PIP4K2B: variants seen among roughly 807,000 people sequenced by gnomAD.
The protein encoded by PIP4K2B is phosphatidylinositol-5-phosphate 4-kinase type 2 beta.
In PIP4K2B, 3 loss-of-function variants were observed where a neutral mutation model predicts 42.0. That is an observed-to-expected ratio of 0.07 (90% confidence interval 0.03 to 0.18). The LOEUF (loss-of-function observed/expected upper bound fraction) is 0.18. Among genes scored for constraint, PIP4K2B ranks in the 10% least tolerant of loss-of-function variants. The pLI, the probability that PIP4K2B is intolerant of heterozygous loss-of-function variation, is 1.00. For synonymous variants in PIP4K2B, 204 were observed against 210.1 expected (o/e 0.97, Z 0.25); for missense variants, 332 against 562.3 (o/e 0.59, Z 4.14).
chr17:38,787,046 GT>G, intron 1 of PIP4K2B, 126 bp from the exon 2 acceptor site: 3 of 726,324 alleles, frequency 4.1e-6, no homozygotes, highest in Non-Finnish European at 4.9e-6. Flanking sequence ...GTCTTTTTTT[GT>G]TTTTTTGAGA....
intron 1 of PIP4K2B, among the ~76,000 whole-genome samples, chr17:38,791,961 T>A (rs1306490866): frequency 6.6e-6 from 1 of 151,598 alleles, no homozygotes; most frequent in Non-Finnish European, 1.5e-5. Flanking sequence ...CGGAGCATGA[T>A]GGCGGGCACC....
intron 1 of PIP4K2B, among the ~76,000 whole-genome samples, chr17:38,790,639 AG>A (rs1910296429): frequency 6.6e-6 from 1 of 152,138 alleles, no homozygotes; most frequent in Non-Finnish European, 1.5e-5. Context: ...TTGTATTTTT[AG>A]TAAAGATGGG....
At position 38,780,614 on chromosome 17, in the gene PIP4K2B, G is replaced by A. The variant is rs375096985; in HGVS notation, c.355-10C>T. 20 of 1,604,974 alleles carry A rather than the reference G, an allele frequency of 1.2e-5. No individual in the cohort carries two copies. The highest frequency in any genetic ancestry group is 8.0e-5 in the African/African-American group (6 of 74,804). ...TGCGCGTCACTGAATTCTGATAATC[G>A]AGACAAAAGAAGGCTGGGCTTGGCA... On this transcript the variant is annotated splice_polypyrimidine_tract_variant and intron_variant, in intron 3 of 9. Transcript: ENST00000619039.
chr17:38,771,112 G>C lies in PIP4K2B; in HGVS notation c.968C>G (p.Pro323Arg), dbSNP rs1336030009. ...GAGGAGGTTGCCAGGGCTGTCCGGAGGTGTGCCATAGGAGCAGAGTAGGTT... is the reference window on the plus strand; with the variant it reads ...GAGGAGGTTGCCAGGGCTGTCCGGACGTGTGCCATAGGAGCAGAGTAGGTT... ...GGNLLCSYGTPPDSPGNLLSF... is the reference protein window; with the variant it reads ...GGNLLCSYGTRPDSPGNLLSF... The change falls in exon 8 of 10, where the codon CCT (proline) becomes CGT (arginine). Residue 323 changes from proline to arginine, a missense_variant. Pro to Arg is a moderately radical substitution (Grantham distance 103). Transcript: ENST00000619039. 6.2e-7 allele frequency: 1 copy of C among 1,614,110 alleles called. No homozygotes were observed. Among genetic ancestry groups the C allele is most frequent in the South Asian group, 1.1e-5 (1 of 91,068 alleles).
chr17:38,775,719 G>A (rs749172000), intron 7 of PIP4K2B, among the ~76,000 whole-genome samples: 2 of 151,964 alleles, frequency 1.3e-5, no homozygotes, highest in African/African-American at 2.4e-5. Context: ...TTAGCTGGGC[G>A]TGGCAGCACG....
Position 38,799,172 on chromosome 17 carries a change from T to C in PIP4K2B, c.159+94A>G. 3.0e-6 allele frequency: 4 copies of C among 1,327,882 alleles called. No individual in the cohort carries two copies. Among genetic ancestry groups the C allele is most frequent in the Non-Finnish European group, 4.0e-6 (4 of 1,011,002 alleles). The allele number at this position is 1,327,882 out of a possible 1,614,324, so 82.3% of individuals were successfully genotyped here. ...GTGGCTTGGCGAGGGGTGGCAGGCGTCACCGGCAGGGCCTGCGGGGCAAGG... is the reference window on the plus strand; with the variant it reads ...GTGGCTTGGCGAGGGGTGGCAGGCGCCACCGGCAGGGCCTGCGGGGCAAGG... On this transcript the variant is annotated intron_variant, in intron 1 of 9. Transcript: ENST00000619039. This position sits in a 1 kb window ranked among gnomAD's most constrained non-coding sequence, Gnocchi z 4.4.
chr17:38,790,674 G>C (rs571416747), intron 1 of PIP4K2B, among the ~76,000 whole-genome samples: 1 of 152,106 alleles, frequency 6.6e-6, no homozygotes, highest in Non-Finnish European at 1.5e-5. Context: ...GGTCAGGCTG[G>C]TCTCGAATTC....
rs1308225711 is a variant in PIP4K2B at position 38,767,694 on chromosome 17, C to T, written c.*1997G>A. 5 of 152,226 alleles carry T rather than the reference C, an allele frequency of 3.3e-5. No individual in the cohort carries two copies. The East Asian group carries it at 9.6e-4, about 29-fold the overall frequency. 9.4% of individuals were successfully genotyped at this position (152,226 alleles called of 1,614,324 possible). A position where few individuals can be genotyped will look rare whatever the true frequency, so the allele number is the denominator to read the frequency against. ...GGCCACGGAGGCTGCTGGAAGACAGCTTTCCAAGCTTCAGAGATGCTGCGC... is the reference window on the plus strand; with the variant it reads ...GGCCACGGAGGCTGCTGGAAGACAGTTTTCCAAGCTTCAGAGATGCTGCGC... On this transcript the variant is annotated 3_prime_UTR_variant, in exon 10 of 10. Coordinates refer to ENST00000619039, the MANE Select transcript of PIP4K2B (RefSeq NM_003559.5).
Position 38,769,303 on chromosome 17 carries a change from A to G in PIP4K2B, c.*388T>C, listed in dbSNP as rs1908878481. On this transcript the variant is annotated 3_prime_UTR_variant, in exon 10 of 10. Transcript: ENST00000619039. ...AGGGTGGGTAGGCTGATGAAATATGATTATAAATAGCAAACCTGGAGCAAT... is the reference window on the plus strand; with the variant it reads ...AGGGTGGGTAGGCTGATGAAATATGGTTATAAATAGCAAACCTGGAGCAAT... 1 of 207,060 alleles carries G rather than the reference A, an allele frequency of 4.8e-6. No individual in the cohort carries two copies. The highest frequency in any genetic ancestry group is 2.3e-5 in the African/African-American group (1 of 43,400). 12.8% of individuals were successfully genotyped at this position (207,060 alleles called of 1,614,324 possible). A position where few individuals can be genotyped will look rare whatever the true frequency, so the allele number is the denominator to read the frequency against.
intron 7 of PIP4K2B, among the ~76,000 whole-genome samples, chr17:38,776,353 AG>A (rs1176125329): frequency 6.6e-6 from 1 of 152,158 alleles, no homozygotes. Context: ...GGGGTTAGGG[AG>A]GGGGAATTGG....
At chr17:38,779,258 C>A in intron 5 of PIP4K2B, 125 bp downstream of exon 5, 1 of 932,574 alleles carries the variant, frequency 1.1e-6, no homozygotes, top group Non-Finnish European at 1.7e-6. Context: ...ATATCCACTC[C>A]AGAGTTCCCT....
chr17:38,778,078 G>A (rs1280424041), intron 6 of PIP4K2B, among the ~76,000 whole-genome samples: 2 of 152,204 alleles, frequency 1.3e-5, no homozygotes, highest in Admixed American at 1.3e-4. Context: ...ACTCAGGCTG[G>A]ACTATGAGAT....
chr17:38,774,725 G>A (rs938858899), intron 7 of PIP4K2B, among the ~76,000 whole-genome samples: 3 of 151,662 alleles, frequency 2.0e-5, no homozygotes, highest in Non-Finnish European at 2.9e-5. Flanking sequence ...AGCCAAGATC[G>A]CGCCACTGTA....
chr17:38,799,037 G>T lies in PIP4K2B; in HGVS notation c.159+229C>A, dbSNP rs1457268830. ...CCACACGCAGGAAGCCAGAAGGGCT[G>T]GAGGGAAGGGGAGGTGGCGACGGCA... On this transcript the variant is annotated intron_variant, in intron 1 of 9. Transcript: ENST00000619039. This position sits in a 1 kb window ranked among gnomAD's most constrained non-coding sequence, Gnocchi z 4.4. Among the ~76,000 whole-genome samples the T allele has an allele frequency of 2.6e-5, 4 of 152,238 alleles. No homozygotes were observed. Among genetic ancestry groups the T allele is most frequent in the African/African-American group, 9.6e-5 (4 of 41,468 alleles).
intron 1 of PIP4K2B, among the ~76,000 whole-genome samples, chr17:38,796,908 G>A (rs1055836532): frequency 1.3e-5 from 2 of 152,146 alleles, no homozygotes; most frequent in Non-Finnish European, 2.9e-5. Flanking sequence ...TCCACCGAGG[G>A]CAATGTGGTC....
intron 3 of PIP4K2B, 91 bp downstream of exon 3, chr17:38,784,152 C>T (rs549415195): frequency 7.2e-5 from 56 of 775,158 alleles, no homozygotes; most frequent in Admixed American, 8.8e-5. Flanking sequence ...AGCACAAAAA[C>T]AGCCAACACG....
chr17:38,779,730 T>G, intron 4 of PIP4K2B: 1 of 536,846 alleles, frequency 1.9e-6, no homozygotes, highest in Non-Finnish European at 3.3e-6. Flanking sequence ...CCTGTTGGCA[T>G]GGCAGAGGGA....
At chr17:38,796,653 T>C (rs1910674148) in intron 1 of PIP4K2B, among the ~76,000 whole-genome samples, 1 of 152,156 alleles carries the variant, frequency 6.6e-6, no homozygotes, top group Admixed American at 6.6e-5. Context: ...AACACCAAGT[T>C]CAAAGTCCTC....
Position 38,768,867 on chromosome 17 carries a change from C to G in PIP4K2B, c.*824G>C, listed in dbSNP as rs1908853490. Reference sequence around the variant, plus strand: ...CTTTACAGAGAGGACTTCTGAACTCCAGGGGCTAAGACAGCCTGGGGCTTG... The same window carrying G: ...CTTTACAGAGAGGACTTCTGAACTCGAGGGGCTAAGACAGCCTGGGGCTTG... On this transcript the variant is annotated 3_prime_UTR_variant, in exon 10 of 10. Transcript: ENST00000619039. 1.3e-5 allele frequency: 2 copies of G among 152,574 alleles called. No homozygotes were observed. The highest frequency in any genetic ancestry group is 4.1e-4 in the South Asian group (2 of 4,824). 9.5% of individuals were successfully genotyped at this position (152,574 alleles called of 1,614,324 possible).
Sources: allele counts gnomAD v4.1 joint callset (sites outside exome capture counted in the v4.1 genomes callset), GRCh38; gene constraint gnomAD v4.1.1; non-coding constraint Gnocchi (gnomAD v3.1); transcripts MANE v1.5; gene names NCBI Gene and HGNC (gene_info 2026-07-23, HGNC 2026-07-21).